JARID2: variants seen among roughly 807,000 people sequenced by gnomAD.
The protein encoded by JARID2 is protein Jumonji.
Under a neutral mutation model 125.6 loss-of-function variants are expected in JARID2, and 21 were observed. The ratio of observed to expected loss-of-function variants is 0.17; its 90% CI spans 0.12 to 0.24. JARID2 has a LOEUF of 0.24. JARID2 is among the 10% of genes least tolerant of loss of function. The pLI is 1.00. For synonymous variants in JARID2, 736 were observed against 661.6 expected (o/e 1.11, Z -1.73); for missense variants, 1,303 against 1,639.6 (o/e 0.79, Z 3.55).
intron 3 of JARID2, among the ~76,000 whole-genome samples, chr6:15,413,517 C>T (rs1479967899): frequency 2.0e-5 from 3 of 152,220 alleles, no homozygotes; most frequent in Non-Finnish European, 2.9e-5. Flanking sequence ...TGAGGGACTG[C>T]ATCTGGCGAG....
intron 1 of JARID2, among the ~76,000 whole-genome samples, chr6:15,278,236 G>T (rs1217587773): frequency 6.7e-6 from 1 of 148,954 alleles, no homozygotes; most frequent in Non-Finnish European, 1.5e-5. Context: ...TGTCTCAAAA[G>T]TTAAAGAAAG....
chr6:15,354,271 A>T (rs914268337), intron 1 of JARID2, among the ~76,000 whole-genome samples: 1 of 152,212 alleles, frequency 6.6e-6, no homozygotes. Flanking sequence ...AAGCCATGGC[A>T]TATTAGCAGC....
chr6:15,463,107 A>G (rs572834533), intron 4 of JARID2, among the ~76,000 whole-genome samples: 2 of 152,306 alleles, frequency 1.3e-5, no homozygotes, highest in East Asian at 3.9e-4. Flanking sequence ...ATGCACTTGA[A>G]TAATCGGGAG....
chr6:15,248,017 C>T, intron 1 of JARID2: 1 of 985,422 alleles, frequency 1.0e-6, no homozygotes, highest in Non-Finnish European at 1.2e-6. Flanking sequence ...AACCGCACCC[C>T]GCCTCCCATT....
At chr6:15,425,452 CA>C (rs1331189470) in intron 3 of JARID2, among the ~76,000 whole-genome samples, 1 of 152,134 alleles carries the variant, frequency 6.6e-6, no homozygotes, top group Non-Finnish European at 1.5e-5. Context: ...ATGTGCCCCC[CA>C]AATTTCATGT....
chr6:15,334,947 A>T (rs1267908402), intron 1 of JARID2, among the ~76,000 whole-genome samples: 1 of 152,102 alleles, frequency 6.6e-6, no homozygotes, highest in Non-Finnish European at 1.5e-5. Context: ...GGTATATTTA[A>T]TTTCTTCATG....
chr6:15,419,788 A>G (rs563419528), intron 3 of JARID2, among the ~76,000 whole-genome samples: 15 of 152,034 alleles, frequency 9.9e-5, no homozygotes, highest in East Asian at 1.9e-4. Flanking sequence ...ATTTACCACA[A>G]TTTTCTTTTG....
At chr6:15,394,556 G>A (rs376989896) in intron 2 of JARID2, among the ~76,000 whole-genome samples, 3 of 152,142 alleles carry the variant, frequency 2.0e-5, no homozygotes, top group Admixed American at 6.5e-5. Flanking sequence ...CCTAGATTGC[G>A]CTACTTGACT....
intron 2 of JARID2, among the ~76,000 whole-genome samples, chr6:15,375,134 T>C (rs76658328): frequency 0.011 from 1,718 of 152,266 alleles, 26 homozygotes; most frequent in Non-Finnish European, 0.014. Context: ...CCAATTTGTT[T>C]CCCACCACCT....
At chr6:15,259,381 G>A (rs1759787180) in intron 1 of JARID2, among the ~76,000 whole-genome samples, 1 of 152,176 alleles carries the variant, frequency 6.6e-6, no homozygotes, top group South Asian at 2.1e-4. Flanking sequence ...CATTTAATAA[G>A]GAGTCATGGT....
intron 1 of JARID2, among the ~76,000 whole-genome samples, chr6:15,339,210 T>TC (rs1561801592): frequency 2.0e-5 from 3 of 152,118 alleles, no homozygotes; most frequent in Non-Finnish European, 2.9e-5. Flanking sequence ...TACTAAGTTG[T>TC]CCATGATTGA....
chr6:15,447,427 G>A (rs1451312015), intron 3 of JARID2, among the ~76,000 whole-genome samples: 2 of 152,148 alleles, frequency 1.3e-5, no homozygotes, highest in Non-Finnish European at 2.9e-5. Context: ...TACTTCCGTG[G>A]TGCGTGTGAA....
intron 16 of JARID2, among the ~76,000 whole-genome samples, chr6:15,516,646 A>ACCGCTTG (rs1771576091): frequency 1.3e-5 from 2 of 152,136 alleles, no homozygotes; most frequent in Admixed American, 1.3e-4. Context: ...ACTGTGAGCC[A>ACCGCTTG]CTCATGGACC....
intron 6 of JARID2, among the ~76,000 whole-genome samples, chr6:15,492,333 A>G (rs959289727): frequency 3.3e-5 from 5 of 152,256 alleles, no homozygotes; most frequent in African/African-American, 1.2e-4. Context: ...CAGTGAGTTC[A>G]GATGACTTCC....
chr6:15,489,167 A>T (rs147819644), intron 6 of JARID2, among the ~76,000 whole-genome samples: 2 of 152,376 alleles, frequency 1.3e-5, no homozygotes, highest in African/African-American at 4.8e-5. Context: ...CTCCTTTCCC[A>T]GAATCCTAGA....
At position 15,249,543 on chromosome 6, in the gene JARID2, C is replaced by T. The variant is rs1042500659; in HGVS notation, c.45+2959C>T. ...CTTTTGTAAAATGGAAAAATACCTG[C>T]CATTGCCACTTAACTAAGTCACTGA... On this transcript the variant is annotated intron_variant, in intron 1 of 17. Coordinates refer to ENST00000341776, the MANE Select transcript of JARID2 (RefSeq NM_004973.4). Among the ~76,000 whole-genome samples, 8 of 152,322 alleles carry T rather than the reference C, an allele frequency of 5.3e-5. No individual in the cohort carries two copies. In the South Asian group the frequency reaches 8.3e-4, roughly 16 times the overall value.
intron 3 of JARID2, among the ~76,000 whole-genome samples, chr6:15,423,656 G>A (rs145161843): frequency 6.6e-6 from 1 of 152,172 alleles, no homozygotes; most frequent in Admixed American, 6.5e-5. Flanking sequence ...AAGTCTGAGA[G>A]GTACCTCTGT....
At chr6:15,282,222 C>T (rs562285166) in intron 1 of JARID2, among the ~76,000 whole-genome samples, 23 of 152,056 alleles carry the variant, frequency 1.5e-4, no homozygotes, top group Non-Finnish European at 2.9e-4. Context: ...AGATTACAGG[C>T]GTGAGCCACA....
chr6:15,254,576 TGA>T (rs1329347917), intron 1 of JARID2, among the ~76,000 whole-genome samples: 5 of 152,222 alleles, frequency 3.3e-5, no homozygotes, highest in African/African-American at 4.8e-5. Context: ...TAGAAGTTTT[TGA>T]GAGCTATTCT....
Sources: gnomAD v4.1 joint callset for allele counts (sites outside exome capture counted in the v4.1 genomes callset) on GRCh38, gnomAD v4.1.1 for gene constraint, MANE v1.5 for transcripts, NCBI Gene and HGNC (gene_info 2026-07-23, HGNC 2026-07-21) for gene names.